Variants in WDR44 observed in about 807,000 individuals in gnomAD.
The protein encoded by WDR44 is WD repeat-containing protein 44.
Under a neutral mutation model 65.7 loss-of-function variants are expected in WDR44, and 9 were observed. The observed-to-expected ratio is 0.14, with a 90% CI of 0.08 to 0.24. The LOEUF is 0.24. Among genes scored for constraint, WDR44 ranks in the 10% least tolerant of loss-of-function variants. WDR44 has a pLI of 1.00. For missense variants in WDR44, 425 were observed against 670.9 expected, an observed-to-expected ratio of 0.63 and a Z score of 4.05; for synonymous variants, 220 against 235.2, an observed-to-expected ratio of 0.94 and a Z score of 0.59.
chrX:118,379,501 A>G (rs2056695507), intron 2 of WDR44, among the ~76,000 whole-genome samples: 1 of 111,783 alleles, frequency 8.9e-6, no homozygotes, highest in African/African-American at 3.2e-5. Context: ...AAAAACATAT[A>G]CAGTAACGTT....
intron 1 of WDR44, among the ~76,000 whole-genome samples, chrX:118,373,098 AAACAAC>A (rs201959120): frequency 2.2e-4 from 24 of 110,562 alleles, no homozygotes; most frequent in South Asian, 3.8e-4. Context: ...TCAAAAAATA[AAACAAC>A]AACAACAACA....
chrX:118,387,514 C>A, intron 3 of WDR44, 100 bp downstream of exon 3: 1 of 457,516 alleles, frequency 2.2e-6, no homozygotes, highest in Non-Finnish European at 3.3e-6. Context: ...GCGCTCTGTA[C>A]ATGGCTGATG....
intron 12 of WDR44, among the ~76,000 whole-genome samples, chrX:118,424,279 A>ATGTG (rs1221265742): frequency 1.1e-5 from 1 of 90,230 alleles, no homozygotes; most frequent in African/African-American, 4.8e-5. Flanking sequence ...ATATATATAT[A>ATGTG]TATGTGTGTG....
At chrX:118,348,701 A>C (rs1202815429) in intron 1 of WDR44, among the ~76,000 whole-genome samples, 1 of 112,047 alleles carries the variant, frequency 8.9e-6, no homozygotes, top group Non-Finnish European at 1.9e-5. Context: ...CACCGTGAGG[A>C]GATCTGGGTG....
intron 1 of WDR44, among the ~76,000 whole-genome samples, chrX:118,371,003 C>A (rs2056610759): frequency 9.0e-6 from 1 of 110,721 alleles, no homozygotes; most frequent in Non-Finnish European, 1.9e-5. Flanking sequence ...GTAAGGAATT[C>A]AAACAACTCA....
At chrX:118,348,768 C>T (rs2056376192) in intron 1 of WDR44, among the ~76,000 whole-genome samples, 1 of 111,668 alleles carries the variant, frequency 9.0e-6, no homozygotes, top group Non-Finnish European at 1.9e-5. Flanking sequence ...AACAGATTGC[C>T]TTACTAGATA....
intron 2 of WDR44, among the ~76,000 whole-genome samples, chrX:118,386,693 T>C (rs1028871621): frequency 1.6e-4 from 18 of 111,987 alleles, no homozygotes; most frequent in African/African-American, 5.8e-4. Flanking sequence ...TAATCCTTTT[T>C]AGCTATAAAA....
intron 2 of WDR44, among the ~76,000 whole-genome samples, chrX:118,381,779 G>A (rs1021686636): frequency 9.2e-6 from 1 of 108,547 alleles, no homozygotes; most frequent in African/African-American, 3.4e-5. Flanking sequence ...CACCATGTTG[G>A]CCACACTGGT....
At chrX:118,358,999 G>A (rs1569356373) in intron 1 of WDR44, among the ~76,000 whole-genome samples, 3 of 107,325 alleles carry the variant, frequency 2.8e-5, no homozygotes, top group Admixed American at 1.0e-4. Context: ...CCTTGAACCC[G>A]GGAAACAGAG....
intron 12 of WDR44, among the ~76,000 whole-genome samples, chrX:118,415,458 C>A (rs911036756): frequency 1.8e-5 from 2 of 111,705 alleles, no homozygotes; most frequent in African/African-American, 6.5e-5. Flanking sequence ...AGAATTGTTA[C>A]CAATTCTTCT....
At position 118,387,371 on chromosome X, in the gene WDR44, A is replaced by G. The variant is rs770887876; in HGVS notation, c.143A>G (p.Asn48Ser). ...GAGAACACTGCATACAAAGTTGGAAATGAGTCCCCTGTACAAGAATTGAAA... is the reference window on the plus strand; with the variant it reads ...GAGAACACTGCATACAAAGTTGGAAGTGAGTCCCCTGTACAAGAATTGAAA... ...ETENTAYKVGNESPVQELKQD... is the reference protein window; with the variant it reads ...ETENTAYKVGSESPVQELKQD... Residue 48 changes from asparagine (N) to serine (S), a missense_variant, in exon 3 of 20, where the codon AAT becomes AGT. Asn to Ser is a conservative substitution (Grantham distance 46). Transcript: ENST00000254029. 1.7e-6 allele frequency: 2 copies of G among 1,202,839 alleles called. No homozygotes were observed. The highest frequency in any genetic ancestry group is 1.8e-5 in the South Asian group (1 of 55,436).
At chrX:118,410,095 A>G (rs1270898057) in intron 11 of WDR44, among the ~76,000 whole-genome samples, 1 of 112,408 alleles carries the variant, frequency 8.9e-6, no homozygotes, top group African/African-American at 3.2e-5. Flanking sequence ...GATTACAACT[A>G]TGTACAGATA....
At chrX:118,363,701 T>TA (rs1328512170) in intron 1 of WDR44, among the ~76,000 whole-genome samples, 2 of 111,942 alleles carry the variant, frequency 1.8e-5, no homozygotes, top group Non-Finnish European at 3.8e-5. Context: ...AATAGCATTT[T>TA]AAAAGATAAG....
At chrX:118,407,614 T>A (rs2056979370) in intron 10 of WDR44, among the ~76,000 whole-genome samples, 1 of 112,087 alleles carries the variant, frequency 8.9e-6, no homozygotes, top group African/African-American at 3.2e-5. Context: ...GATTAGAGGG[T>A]GTAACTTTGA....
chrX:118,352,359 T>A (rs1453066588), intron 1 of WDR44, among the ~76,000 whole-genome samples: 3 of 50,830 alleles, frequency 5.9e-5, no homozygotes, highest in African/African-American at 4.0e-4. Flanking sequence ...TATATTTTTT[T>A]TTTTTTTTTT....
rs1309354216 is a variant in WDR44 at position 118,436,625 on chromosome X, C to T, written c.1852-77C>T. The T allele has an allele frequency of 1.4e-5, 16 of 1,109,124 alleles. No homozygotes were observed. The Admixed American group carries it at 3.7e-4, about 26-fold the overall frequency. The allele number at this position is 1,109,124 out of a possible 1,213,427, so 91.4% of individuals were successfully genotyped here. On this transcript the variant is annotated intron_variant, in intron 13 of 19. Coordinates refer to ENST00000254029, the MANE Select transcript of WDR44 (RefSeq NM_019045.5). ...AACAAAACTGTTGAGATACAAAAAC[C>T]AAAAGTTCACTTTTATTGTATAAAT...
chrX:118,367,715 C>T (rs2056566235), intron 1 of WDR44, among the ~76,000 whole-genome samples: 1 of 111,457 alleles, frequency 9.0e-6, no homozygotes. Flanking sequence ...TGGAAACAAT[C>T]AGTAAATGTT....
chrX:118,386,643 G>A (rs1456250559), intron 2 of WDR44, among the ~76,000 whole-genome samples: 2 of 110,651 alleles, frequency 1.8e-5, no homozygotes, highest in African/African-American at 6.6e-5. Context: ...AATGCTTTGG[G>A]GAAAATAACA....
chrX:118,437,240 C>T (rs1366691452), intron 14 of WDR44, among the ~76,000 whole-genome samples: 1 of 111,823 alleles, frequency 8.9e-6, no homozygotes, highest in Non-Finnish European at 1.9e-5. Context: ...ACAAGATACA[C>T]TGAATTCATA....
Sources: gnomAD v4.1 joint callset for allele counts (sites outside exome capture counted in the v4.1 genomes callset) on GRCh38, gnomAD v4.1.1 for gene constraint, MANE v1.5 for transcripts, NCBI Gene and HGNC (gene_info 2026-07-23, HGNC 2026-07-21) for gene names.